The following MYPN variants were observed in gnomAD, a reference collection of about 807,000 sequenced individuals.
MYPN encodes sarcomeric protein myopalladin, 145 kDa (MYOP).
Under a neutral mutation model 129.4 loss-of-function variants are expected in MYPN, and 63 were observed. That is an observed-to-expected ratio of 0.49 (90% CI 0.40 to 0.60). The LOEUF (loss-of-function observed/expected upper bound fraction) is 0.60. Ranked by LOEUF, MYPN falls within the 20% of genes least tolerant of loss-of-function variation. MYPN has a pLI of 0.00. For synonymous variants in MYPN, 629 were observed against 600.9 expected, an observed-to-expected ratio of 1.05 and a Z score of -0.68; for missense variants, 1,596 against 1,635.4, an observed-to-expected ratio of 0.98 and a Z score of 0.42.
intron 1 of MYPN, among the ~76,000 whole-genome samples, chr10:68,116,285 A>AAAAG (rs10648445): frequency 0.49 from 74,956 of 151,610 alleles, 20,190 homozygotes; most frequent in African/African-American, 0.7. Context: ...TAATGCTTAA[A>AAAAG]AAAATAATTT....
In MYPN at chr10:68,150,040, T is replaced by C. The variant is rs745378376; in HGVS notation, c.1246T>C (p.Cys416Arg). ...TTTACTGTTGCTTCCCTTCTACCAGTGTCAGAGCCCCACCAATTACTTGCA... is the reference window on the plus strand; with the variant it reads ...TTTACTGTTGCTTCCCTTCTACCAGCGTCAGAGCCCCACCAATTACTTGCA... ...AQPRVATIQQ[C>R]QSPTNYLQGL... is the part of the protein sequence containing the mutation. The change falls in exon 6 of 20, where the codon TGT (cysteine) becomes CGT (arginine). Residue 416 changes from cysteine (C) to arginine (R), a missense_variant and splice_region_variant. By Grantham distance (180) the Cys-to-Arg change is radical (BLOSUM62 -3). Coordinates refer to ENST00000358913, the MANE Select transcript of MYPN (RefSeq NM_032578.4). 2 of 1,612,918 alleles carry C rather than the reference T, an allele frequency of 1.2e-6. No homozygotes were observed. Among genetic ancestry groups the C allele is most frequent in the African/African-American group, 1.3e-5 (1 of 74,882 alleles).
At chr10:68,205,068 A>G (rs750084151) in intron 18 of MYPN, among the ~76,000 whole-genome samples, 1 of 152,152 alleles carries the variant, frequency 6.6e-6, no homozygotes, top group Non-Finnish European at 1.5e-5. Context: ...CCACCCTTGA[A>G]TTGGCTACAT....
chr10:68,169,181 T>TAAAAAAAA (rs59317396), intron 10 of MYPN, among the ~76,000 whole-genome samples: 8 of 91,072 alleles, frequency 8.8e-5, no homozygotes, highest in African/African-American at 4.0e-4. Context: ...CCGTCTCTAC[T>TAAAAAAAA]AAAAAAAAAA....
chr10:68,144,521 AT>A (rs1265991549), intron 3 of MYPN, among the ~76,000 whole-genome samples: 1 of 152,162 alleles, frequency 6.6e-6, no homozygotes, highest in South Asian at 2.1e-4. Context: ...TTATCCTCAC[AT>A]TTTTGGAGTC....
chr10:68,189,348 A>G (rs965386560), intron 13 of MYPN, among the ~76,000 whole-genome samples: 23 of 152,316 alleles, frequency 1.5e-4, no homozygotes, highest in Admixed American at 8.5e-4. Context: ...TCAAACATTT[A>G]TCTTTTTTGT....
intron 5 of MYPN, among the ~76,000 whole-genome samples, chr10:68,148,914 T>C (rs1180155360): frequency 5.3e-5 from 8 of 152,206 alleles, no homozygotes; most frequent in African/African-American, 1.9e-4. Context: ...TACATGCTTA[T>C]TGTAAAAACA....
intron 2 of MYPN, among the ~76,000 whole-genome samples, chr10:68,132,838 A>T (rs967968114): frequency 6.6e-6 from 1 of 152,176 alleles, no homozygotes; most frequent in African/African-American, 2.4e-5. Flanking sequence ...CAGGGAGGCC[A>T]TAATGACCTC....
chr10:68,173,793 C>T (rs1015355796), intron 10 of MYPN, among the ~76,000 whole-genome samples: 2 of 150,962 alleles, frequency 1.3e-5, no homozygotes, highest in South Asian at 2.1e-4. Flanking sequence ...GGGCTACAGG[C>T]GTGCACCACC....
intron 15 of MYPN, 145 bp from the exon 16 acceptor site, chr10:68,197,207 T>G: frequency 2.7e-6 from 2 of 749,002 alleles, no homozygotes; most frequent in Non-Finnish European, 4.3e-6. Flanking sequence ...ACACCATTAT[T>G]TATTGTTTAT....
chr10:68,107,402 A>T (rs1452009159), upstream of MYPN, among the ~76,000 whole-genome samples: 1 of 140,278 alleles, frequency 7.1e-6, no homozygotes, highest in Non-Finnish European at 1.5e-5. Flanking sequence ...GTGCAATGGC[A>T]CCATCTCGGC....
At chr10:68,141,197 T>C (rs1249452737) in intron 2 of MYPN, among the ~76,000 whole-genome samples, 1 of 151,464 alleles carries the variant, frequency 6.6e-6, no homozygotes, top group Admixed American at 6.6e-5. Flanking sequence ...GGTGAAACCC[T>C]GTCTCTACTA....
At chr10:68,111,759 A>G (rs1165792666) in intron 1 of MYPN, among the ~76,000 whole-genome samples, 1 of 152,188 alleles carries the variant, frequency 6.6e-6, no homozygotes, top group Non-Finnish European at 1.5e-5. Context: ...AGCTCTGTGC[A>G]GGCTCCCTGC....
intron 12 of MYPN, among the ~76,000 whole-genome samples, chr10:68,187,015 G>A (rs61857177): frequency 0.13 from 19,053 of 152,044 alleles, 1,592 homozygotes; most frequent in Middle Eastern, 0.2. Context: ...AGTGTGGTCC[G>A]AGGACCTGTG....
chr10:68,173,790 A>T (rs1194268329), intron 10 of MYPN, among the ~76,000 whole-genome samples: 1 of 151,060 alleles, frequency 6.6e-6, no homozygotes, highest in Non-Finnish European at 1.5e-5. Flanking sequence ...CTGGGGCTAC[A>T]GGCGTGCACC....
At chr10:68,093,471 G>T (rs2041940348) in intron 1 of MYPN, among the ~76,000 whole-genome samples, 2 of 151,688 alleles carry the variant, frequency 1.3e-5, no homozygotes, top group South Asian at 4.2e-4. Flanking sequence ...GAGCGTGGTG[G>T]CTCATGCCTG....
At chr10:68,191,463 T>C (rs1004263707) in intron 13 of MYPN, among the ~76,000 whole-genome samples, 130 of 152,184 alleles carry the variant, frequency 8.5e-4, no homozygotes, top group African/African-American at 3.0e-3. Flanking sequence ...AGTGATCTGC[T>C]CACCTTGGCC....
chr10:68,110,495 C>G (rs2042067152), intron 1 of MYPN, among the ~76,000 whole-genome samples: 2 of 152,162 alleles, frequency 1.3e-5, no homozygotes, highest in South Asian at 4.1e-4. Context: ...ATTTTAGTAA[C>G]TTATCAACAG....
At chr10:68,118,809 G>C (rs948064731) in intron 1 of MYPN, among the ~76,000 whole-genome samples, 2 of 151,736 alleles carry the variant, frequency 1.3e-5, no homozygotes, top group Non-Finnish European at 2.9e-5. Flanking sequence ...GCTCCATCCT[G>C]GGTGAGGGAG....
chr10:68,137,170 A>G (rs114156240), intron 2 of MYPN, among the ~76,000 whole-genome samples: 3,867 of 152,300 alleles, frequency 0.025, 170 homozygotes, highest in African/African-American at 0.087. Context: ...GAACAAAAAA[A>G]CCATTTAGTG....
Sources: allele counts gnomAD v4.1 joint callset (sites outside exome capture counted in the v4.1 genomes callset), GRCh38; gene constraint gnomAD v4.1.1; transcripts MANE v1.5; gene names NCBI Gene and HGNC (gene_info 2026-07-23, HGNC 2026-07-21).